SNX6: variants seen among roughly 807,000 people sequenced by gnomAD.
SNX6 encodes the protein sorting nexin 6, also known as sorting nexin-6.
In SNX6, 34 loss-of-function variants were observed where a neutral mutation model predicts 63.0. The observed-to-expected ratio is 0.54, with a 90% CI of 0.41 to 0.72. SNX6 has a LOEUF of 0.72. SNX6 is among the 30% of genes least tolerant of loss of function. SNX6 has a pLI of 0.00. For synonymous variants in SNX6, 170 were observed against 164.2 expected, an observed-to-expected ratio of 1.04 and a Z score of -0.27; for missense variants, 398 against 471.4, an observed-to-expected ratio of 0.84 and a Z score of 1.44.
At position 34,573,612 on chromosome 14, in the gene SNX6, C is replaced by T. The variant is rs116878182; in HGVS notation, c.921+2144G>A. 3.9e-3 allele frequency among the ~76,000 whole-genome samples: 585 copies of T among 151,318 alleles called. 18 individuals are homozygous for T. In the East Asian group the frequency reaches 0.062, roughly 16 times the overall value. ...AATTGTTTTTGGTTAGTGTTTTAGT[C>T]TTGCACACAGCTTTTTTTTTTTAAT... On this transcript the variant is annotated intron_variant, in intron 11 of 13. Transcript: ENST00000362031.
chr14:34,629,504 G>A (rs1883955390), intron 2 of SNX6: 3 of 492,474 alleles, frequency 6.1e-6, no homozygotes, highest in Admixed American at 2.3e-5. Flanking sequence ...GCAAGTTCGA[G>A]ATGTCCACAC....
intron 4 of SNX6, 39 bp from the exon 5 acceptor site, chr14:34,605,756 C>A: frequency 1.3e-6 from 2 of 1,582,120 alleles, no homozygotes; most frequent in South Asian, 1.2e-5. Flanking sequence ...AGGAAATTTT[C>A]ATTTCTTGAA....
chr14:34,620,687 T>C (rs1348129885), intron 2 of SNX6, among the ~76,000 whole-genome samples: 2 of 152,212 alleles, frequency 1.3e-5, no homozygotes, highest in East Asian at 1.9e-4. Flanking sequence ...ACGCCTGTAA[T>C]CTCAGCACTT....
intron 3 of SNX6, 34 bp downstream of exon 3, chr14:34,609,604 G>C: frequency 1.4e-6 from 2 of 1,404,986 alleles, no homozygotes; most frequent in Non-Finnish European, 2.0e-6. Flanking sequence ...ATAATAAATG[G>C]CTAAAATAAT....
At chr14:34,579,581 T>A (rs1881854164) in intron 10 of SNX6, among the ~76,000 whole-genome samples, 1 of 152,116 alleles carries the variant, frequency 6.6e-6, no homozygotes, top group Admixed American at 6.6e-5. Flanking sequence ...CACTCCCGCC[T>A]GGCCGACAGA....
intron 2 of SNX6, among the ~76,000 whole-genome samples, chr14:34,628,520 TTGGGAGGCTGAGG>T (rs1164119732): frequency 6.6e-6 from 1 of 151,976 alleles, no homozygotes; most frequent in Non-Finnish European, 1.5e-5. Context: ...TCCCAGCTAC[TTGGGAGGCTGAGG>T]TGGGAGGATC....
intron 10 of SNX6, 51 bp from the exon 11 acceptor site, chr14:34,575,893 TCAG>T: frequency 9.8e-7 from 1 of 1,023,626 alleles, no homozygotes; most frequent in Admixed American, 2.3e-5. Flanking sequence ...CATTCTCCTC[TCAG>T]TGGTTTCCTT....
intron 2 of SNX6, among the ~76,000 whole-genome samples, chr14:34,616,366 T>C (rs1264854149): frequency 6.6e-6 from 1 of 152,172 alleles, no homozygotes; most frequent in African/African-American, 2.4e-5. Flanking sequence ...ATAAAATATA[T>C]TGTAGATTTT....
At chr14:34,566,142 G>A (rs189121697) in intron 13 of SNX6, among the ~76,000 whole-genome samples, 1 of 152,290 alleles carries the variant, frequency 6.6e-6, no homozygotes, top group Non-Finnish European at 1.5e-5. Flanking sequence ...AACCAGCTCA[G>A]GCTCAGTAAG....
intron 8 of SNX6, among the ~76,000 whole-genome samples, chr14:34,591,833 C>T (rs1882404849): frequency 1.8e-5 from 1 of 54,586 alleles, no homozygotes; most frequent in Non-Finnish European, 4.2e-5. Context: ...AAACATTTGC[C>T]AAATATTCAT....
chr14:34,589,771 G>A (rs1221253168), intron 8 of SNX6, among the ~76,000 whole-genome samples: 3 of 151,864 alleles, frequency 2.0e-5, no homozygotes, highest in Admixed American at 1.3e-4. Context: ...GGGGCAGTGA[G>A]CCAAGATTGT....
intron 2 of SNX6, among the ~76,000 whole-genome samples, chr14:34,612,076 GCCT>G (rs1883253105): frequency 6.6e-6 from 1 of 152,138 alleles, no homozygotes; most frequent in African/African-American, 2.4e-5. Flanking sequence ...ACCGTGTCCA[GCCT>G]CCTTTTTTTC....
At chr14:34,571,551 T>G (rs1415325984) in intron 11 of SNX6, among the ~76,000 whole-genome samples, 1 of 152,148 alleles carries the variant, frequency 6.6e-6, no homozygotes. Context: ...TATAACATTC[T>G]AGAAAAAGTA....
chr14:34,577,081 T>C (rs1168970873), intron 10 of SNX6, among the ~76,000 whole-genome samples: 2 of 151,820 alleles, frequency 1.3e-5, no homozygotes, highest in South Asian at 2.1e-4. Context: ...AAAAAAACTT[T>C]CTAGGTATTT....
At chr14:34,626,654 G>A (rs1011544372) in intron 2 of SNX6, among the ~76,000 whole-genome samples, 3 of 122,578 alleles carry the variant, frequency 2.4e-5, no homozygotes, top group Non-Finnish European at 4.7e-5. Flanking sequence ...GGGCAACAGA[G>A]CGAGACTCCA....
At chr14:34,566,541 G>T (rs1443752427) in intron 13 of SNX6, among the ~76,000 whole-genome samples, 1 of 152,126 alleles carries the variant, frequency 6.6e-6, no homozygotes, top group African/African-American at 2.4e-5. Flanking sequence ...TATTAAGAAA[G>T]ACTTTTTAAA....
intron 9 of SNX6, 122 bp from the exon 10 acceptor site, chr14:34,581,722 G>T: frequency 3.8e-6 from 2 of 531,502 alleles, no homozygotes; most frequent in Non-Finnish European, 6.9e-6. Context: ...ATATTCAATA[G>T]CCTTATTAAC....
chr14:34,585,810 C>G (rs956324681), intron 9 of SNX6, among the ~76,000 whole-genome samples: 1 of 151,932 alleles, frequency 6.6e-6, no homozygotes, highest in Non-Finnish European at 1.5e-5. Flanking sequence ...CAATGTTGGC[C>G]AGGTTGGTCT....
intron 6 of SNX6, among the ~76,000 whole-genome samples, chr14:34,600,688 T>C (rs1056343428): frequency 4.6e-5 from 7 of 152,158 alleles, no homozygotes; most frequent in African/African-American, 1.7e-4. Flanking sequence ...AAGATTTGTA[T>C]CAGTCATTCA....
Sources: gnomAD v4.1 joint callset for allele counts (sites outside exome capture counted in the v4.1 genomes callset) on GRCh38, gnomAD v4.1.1 for gene constraint, MANE v1.5 for transcripts, NCBI Gene and HGNC (gene_info 2026-07-23, HGNC 2026-07-21) for gene names.